GNG4: variants seen among roughly 807,000 people sequenced by gnomAD.
GNG4 encodes G protein subunit gamma 4.
Under a neutral mutation model 5.8 loss-of-function variants are expected in GNG4, and 4 were observed. The observed-to-expected ratio is 0.69, with a 90% CI of 0.34 to 1.57. GNG4 has a LOEUF of 1.57. Among genes scored for constraint, GNG4 ranks in the 40% most tolerant of loss-of-function variants. The pLI is 0.06. For missense variants in GNG4, 96 were observed against 95.1 expected (o/e 1.01, Z -0.04); for synonymous variants, 29 against 32.9 (o/e 0.88, Z 0.41).
rs10926253 is a variant in GNG4 at position 235,614,144 on chromosome 1, G to C, written c.-122-18633C>G. ...CTCCATTTCTTCTGTGTGATCTTTGGTTGTTTGTGTTTTCCATAGAATTTA... is the reference window on the plus strand; with the variant it reads ...CTCCATTTCTTCTGTGTGATCTTTGCTTGTTTGTGTTTTCCATAGAATTTA... On this transcript the variant is annotated intron_variant, in intron 1 of 3. Transcript: ENST00000391854. 0.051 allele frequency among the ~76,000 whole-genome samples: 7,795 copies of C among 152,196 alleles called. 1,366 individuals are homozygous for C. In the East Asian group the frequency reaches 0.59, roughly 11 times the overall value.
Position 235,644,558 on chromosome 1 carries a change from C to T in GNG4, c.-123+5104G>A, listed in dbSNP as rs753890951. 2.8e-4 allele frequency among the ~76,000 whole-genome samples: 42 copies of T among 152,216 alleles called. No individual in the cohort carries two copies. Among genetic ancestry groups the T allele is most frequent in the Non-Finnish European group, 5.4e-4 (37 of 68,030 alleles). ...TTAACCAGGCTGCAGTCCCCTAGTA[C>T]CCTGCCATGCAGCCCCACAGCTGCC... On this transcript the variant is annotated intron_variant, in intron 1 of 3. Coordinates refer to ENST00000391854, the MANE Select transcript of GNG4 (RefSeq NM_001098722.2). The surrounding 1 kb of genome is among the most constrained non-coding windows in gnomAD (Gnocchi z 5.9).
At chr1:235,633,442 G>C (rs1341461525) in intron 1 of GNG4, among the ~76,000 whole-genome samples, 1 of 152,180 alleles carries the variant, frequency 6.6e-6, no homozygotes, top group African/African-American at 2.4e-5. Context: ...CAGTCTGCCA[G>C]GGAGGCTGGC....
intron 2 of GNG4, among the ~76,000 whole-genome samples, chr1:235,589,711 G>A (rs1028549100): frequency 5.9e-5 from 9 of 152,312 alleles, no homozygotes; most frequent in Admixed American, 5.9e-4. Context: ...AGGGACAAGG[G>A]GAGAAAGCTC....
intron 3 of GNG4, among the ~76,000 whole-genome samples, chr1:235,562,974 C>T (rs1209091991): frequency 1.3e-5 from 2 of 152,138 alleles, no homozygotes; most frequent in Admixed American, 1.3e-4. Flanking sequence ...AAGGTTAAAT[C>T]TGATAATCTA....
chr1:235,644,238 G>A lies in GNG4; in HGVS notation c.-123+5424C>T, dbSNP rs554748171. 1.3e-5 allele frequency among the ~76,000 whole-genome samples: 2 copies of A among 152,330 alleles called. No homozygotes were observed. Among genetic ancestry groups the A allele is most frequent in the Admixed American group, 1.3e-4 (2 of 15,304 alleles). The stretch of plus-strand genomic sequence containing the variant: ...AAATTCAGCCACAGCGGGAGGGAGC[G>A]TGTGAGACCCACGAAGGCCTTGCCC... On this transcript the variant is annotated intron_variant, in intron 1 of 3. Coordinates refer to ENST00000391854, the MANE Select transcript of GNG4 (RefSeq NM_001098722.2). The surrounding 1 kb of genome is among the most constrained non-coding windows in gnomAD (Gnocchi z 5.9).
At chr1:235,587,774 G>A (rs1687851805) in intron 2 of GNG4, among the ~76,000 whole-genome samples, 1 of 109,434 alleles carries the variant, frequency 9.1e-6, no homozygotes, top group African/African-American at 3.3e-5. Context: ...AGAGTGTGGG[G>A]TGGGGGTGTG....
intron 1 of GNG4, among the ~76,000 whole-genome samples, chr1:235,597,631 T>TTTA (rs1688158118): frequency 9.3e-6 from 1 of 107,894 alleles, no homozygotes; most frequent in Non-Finnish European, 1.8e-5. Flanking sequence ...TGTGTGTGTA[T>TTTA]TTTTTTTTTT....
chr1:235,631,812 C>T (rs549121000), intron 1 of GNG4, among the ~76,000 whole-genome samples: 1 of 152,216 alleles, frequency 6.6e-6, no homozygotes, highest in African/African-American at 2.4e-5. Context: ...AGGTGATCCA[C>T]CTGCCTTGGC....
intron 1 of GNG4, among the ~76,000 whole-genome samples, chr1:235,635,733 C>A (rs569928868): frequency 6.6e-6 from 1 of 152,090 alleles, no homozygotes; most frequent in Non-Finnish European, 1.5e-5. Context: ...CAGTATCTGT[C>A]GCCACAGAAG....
intron 3 of GNG4, among the ~76,000 whole-genome samples, chr1:235,558,274 G>A (rs1260157868): frequency 6.6e-6 from 1 of 152,174 alleles, no homozygotes; most frequent in Non-Finnish European, 1.5e-5. Context: ...CTTACGCACA[G>A]CTGCATCTAA....
intron 1 of GNG4, among the ~76,000 whole-genome samples, chr1:235,620,324 C>T (rs1688680389): frequency 6.6e-6 from 1 of 152,150 alleles, no homozygotes; most frequent in African/African-American, 2.4e-5. Context: ...GAGATCACAC[C>T]ATTGCACTCC....
intron 1 of GNG4, among the ~76,000 whole-genome samples, chr1:235,600,188 C>A (rs190622539): frequency 1.4e-5 from 2 of 143,326 alleles, no homozygotes; most frequent in Non-Finnish European, 3.0e-5. Context: ...GATCTTGGCA[C>A]ACCACAACCT....
chr1:235,602,208 G>A lies in GNG4; in HGVS notation c.-122-6697C>T, dbSNP rs866839979. ...AATCACTTGAACCCAGGAGGCGGAG[G>A]TTGCAGTGAGCTGAGATCGCGCCAT... On this transcript the variant is annotated intron_variant, in intron 1 of 3. Transcript: ENST00000391854. 5.9e-5 allele frequency among the ~76,000 whole-genome samples: 9 copies of A among 152,112 alleles called. No homozygotes were observed. In the South Asian group the frequency reaches 1.4e-3, roughly 25 times the overall value.
chr1:235,596,590 C>T (rs1451163934), intron 1 of GNG4, among the ~76,000 whole-genome samples: 1 of 152,106 alleles, frequency 6.6e-6, no homozygotes, highest in Non-Finnish European at 1.5e-5. Context: ...AAAATAAAGA[C>T]CAGTGATAAT....
intron 3 of GNG4, among the ~76,000 whole-genome samples, chr1:235,576,562 A>C (rs1188764651): frequency 6.6e-6 from 1 of 152,172 alleles, no homozygotes; most frequent in African/African-American, 2.4e-5. Flanking sequence ...TACAGGTTCT[A>C]TGGTGAATCC....
At chr1:235,609,424 G>T (rs1688430516) in intron 1 of GNG4, among the ~76,000 whole-genome samples, 1 of 151,940 alleles carries the variant, frequency 6.6e-6, no homozygotes, top group Non-Finnish European at 1.5e-5. Context: ...CACTTTTTGG[G>T]TTATAGCCAT....
At chr1:235,638,078 C>T (rs891319706) in intron 1 of GNG4, among the ~76,000 whole-genome samples, 7 of 152,230 alleles carry the variant, frequency 4.6e-5, no homozygotes, top group Admixed American at 6.5e-5. Context: ...TCCTGGTCTC[C>T]GATAAGCCCC....
intron 3 of GNG4, among the ~76,000 whole-genome samples, chr1:235,566,430 C>T (rs1165121731): frequency 6.6e-6 from 1 of 152,170 alleles, no homozygotes; most frequent in Non-Finnish European, 1.5e-5. Context: ...GAACCTAATG[C>T]CTGATGATCT....
intron 3 of GNG4, among the ~76,000 whole-genome samples, chr1:235,563,729 A>T (rs141409065): frequency 6.6e-6 from 1 of 152,324 alleles, no homozygotes; most frequent in African/African-American, 2.4e-5. Flanking sequence ...TCTGACACAC[A>T]TGTGCCAGAC....
Sources: gnomAD v4.1 joint callset for allele counts (sites outside exome capture counted in the v4.1 genomes callset) on GRCh38, gnomAD v4.1.1 for gene constraint, Gnocchi (gnomAD v3.1) non-coding constraint, MANE v1.5 for transcripts, NCBI Gene and HGNC (gene_info 2026-07-23, HGNC 2026-07-21) for gene names.